The following SNX9 variants were observed in gnomAD, a reference collection of about 807,000 sequenced individuals.
The protein encoded by SNX9 is sorting nexin 9.
Under a neutral mutation model 89.4 loss-of-function variants are expected in SNX9, and 44 were observed. That is an observed-to-expected ratio of 0.49 (90% CI 0.39 to 0.63). The LOEUF is 0.63. Among genes scored for constraint, SNX9 ranks in the 30% least tolerant of loss-of-function variants. The pLI is 0.00. For missense variants in SNX9, 578 were observed against 736.1 expected (o/e 0.79, Z 2.49); for synonymous variants, 236 against 247.8 (o/e 0.95, Z 0.45).
At chr6:157,905,941 G>A (rs532817497) in intron 6 of SNX9, among the ~76,000 whole-genome samples, 187 bp from the exon 7 acceptor site, 1 of 152,294 alleles carries the variant, frequency 6.6e-6, no homozygotes, top group African/African-American at 2.4e-5. Context: ...ACCAGATCAA[G>A]CTTAATTAAA....
chr6:157,859,880 ATGTT>A (rs1173933190), intron 1 of SNX9, among the ~76,000 whole-genome samples: 1 of 151,370 alleles, frequency 6.6e-6, no homozygotes, highest in Non-Finnish European at 1.5e-5. Context: ...CTTCTGCTGT[ATGTT>A]AAGACTAGTG....
Position 157,909,891 on chromosome 6 carries a change from T to C in SNX9, c.832-17T>C, listed in dbSNP as rs1301807795. ...GAGTTGGCATTGGTAACCTTTTCTC[T>C]TTCCCTTATTTTGTAGAACACTAAT... On this transcript the variant is annotated splice_polypyrimidine_tract_variant and intron_variant, in intron 8 of 17. Transcript: ENST00000392185. 1 of 1,613,064 alleles carries C rather than the reference T, an allele frequency of 6.2e-7. No homozygotes were observed. Among genetic ancestry groups the C allele is most frequent in the Admixed American group, 1.7e-5 (1 of 59,958 alleles).
At chr6:157,834,654 A>G (rs1227842308) in intron 1 of SNX9, among the ~76,000 whole-genome samples, 1 of 151,960 alleles carries the variant, frequency 6.6e-6, no homozygotes, top group Non-Finnish European at 1.5e-5. Context: ...GTTAGTGTCC[A>G]CTTCTTAATT....
At chr6:157,913,873 A>G (rs749670479) in intron 9 of SNX9, among the ~76,000 whole-genome samples, 9 of 152,206 alleles carry the variant, frequency 5.9e-5, no homozygotes, top group Non-Finnish European at 1.3e-4. Flanking sequence ...TAGATATACC[A>G]TAGCTTGTTT....
At position 157,944,405 on chromosome 6, in the gene SNX9, TTAATA is replaced by T. The variant is rs1168948444; in HGVS notation, c.*1570_*1574del. The T allele has an allele frequency of 6.5e-6, 1 of 152,678 alleles. No homozygotes were observed. Among genetic ancestry groups the T allele is most frequent in the Non-Finnish European group, 1.5e-5 (1 of 68,036 alleles). The allele number at this position is 152,678 out of a possible 1,614,324, so 9.5% of individuals were successfully genotyped here. A position where few individuals can be genotyped will look rare whatever the true frequency, so the allele number is the denominator to read the frequency against. On this transcript the variant is annotated 3_prime_UTR_variant, in exon 18 of 18. Transcript: ENST00000392185. ...AGAACAATGTTTATGCTATAGCCAT[TTAATA>T]TATGTACAAATTGTAAAGAATATGT...
At chr6:157,850,623 G>A (rs530381955) in intron 1 of SNX9, among the ~76,000 whole-genome samples, 26 of 152,212 alleles carry the variant, frequency 1.7e-4, no homozygotes, top group Non-Finnish European at 3.4e-4. Flanking sequence ...TGGGGTAAAG[G>A]TCATGGGCCT....
chr6:157,924,240 A>T (rs1783642933), intron 10 of SNX9, among the ~76,000 whole-genome samples: 1 of 151,920 alleles, frequency 6.6e-6, no homozygotes, highest in East Asian at 1.9e-4. Flanking sequence ...ATTTCAAATT[A>T]GCTTTAAAGT....
At chr6:157,892,393 G>A (rs919635317) in intron 4 of SNX9, among the ~76,000 whole-genome samples, 1 of 152,096 alleles carries the variant, frequency 6.6e-6, no homozygotes, top group Non-Finnish European at 1.5e-5. Flanking sequence ...GAAGCTGCAG[G>A]AAAGATCTCC....
chr6:157,876,223 G>A (rs190946203), intron 4 of SNX9, among the ~76,000 whole-genome samples: 3 of 152,180 alleles, frequency 2.0e-5, no homozygotes, highest in African/African-American at 7.2e-5. Context: ...AGGCCGAGGC[G>A]GGCGGATCAC....
chr6:157,842,624 G>C (rs1429645063), intron 1 of SNX9, among the ~76,000 whole-genome samples: 8 of 152,182 alleles, frequency 5.3e-5, no homozygotes, highest in African/African-American at 1.9e-4. Flanking sequence ...GGGGAGTGCT[G>C]ATTGGTCAGG....
chr6:157,907,008 G>A (rs1327191953), intron 7 of SNX9, among the ~76,000 whole-genome samples: 2 of 152,148 alleles, frequency 1.3e-5, no homozygotes, highest in African/African-American at 4.8e-5. Flanking sequence ...TGCAGGAATA[G>A]TATTAGATTC....
chr6:157,826,942 A>AC (rs1239486844), intron 1 of SNX9, among the ~76,000 whole-genome samples: 10 of 85,040 alleles, frequency 1.2e-4, no homozygotes, highest in East Asian at 5.4e-4. Context: ...TATAATATAT[A>AC]AAATATATTA....
At chr6:157,932,401 G>A in intron 13 of SNX9, 129 bp downstream of exon 13, 1 of 774,888 alleles carries the variant, frequency 1.3e-6, no homozygotes, top group Non-Finnish European at 2.2e-6. Flanking sequence ...AAATTGGCTA[G>A]GCTGCCGCAC....
intron 10 of SNX9, among the ~76,000 whole-genome samples, chr6:157,922,392 G>A (rs910397892): frequency 3.3e-5 from 5 of 152,168 alleles, no homozygotes; most frequent in African/African-American, 1.2e-4. Flanking sequence ...GCAGGAGTTG[G>A]CCCAGAAGCC....
chr6:157,904,511 A>G (rs1053800992), intron 6 of SNX9, among the ~76,000 whole-genome samples: 1 of 152,064 alleles, frequency 6.6e-6, no homozygotes, highest in Non-Finnish European at 1.5e-5. Flanking sequence ...GTGGTCCATA[A>G]CAGTGCCCAA....
intron 2 of SNX9, 100 bp from the exon 3 acceptor site, chr6:157,873,002 A>G: frequency 1.2e-6 from 1 of 808,014 alleles, no homozygotes; most frequent in Non-Finnish European, 1.8e-6. Flanking sequence ...CTTAATGTTA[A>G]TTGCTTTTTT....
intron 4 of SNX9, among the ~76,000 whole-genome samples, chr6:157,875,860 G>C (rs1436609567): frequency 1.3e-5 from 2 of 152,150 alleles, no homozygotes; most frequent in African/African-American, 4.8e-5. Flanking sequence ...TATTGTTGCT[G>C]CTGGGCACAG....
chr6:157,883,378 TC>T (rs1782667703), intron 4 of SNX9, among the ~76,000 whole-genome samples: 1 of 152,134 alleles, frequency 6.6e-6, no homozygotes, highest in Non-Finnish European at 1.5e-5. Flanking sequence ...TTTTATGTCA[TC>T]TCCTTGTTTA....
In SNX9 at chr6:157,927,125, A is replaced by G. The variant is rs1175900245; in HGVS notation, c.1095A>G (p.Gly365=). Residue 365 remains glycine (G), a synonymous_variant, in exon 11 of 18, where the codon GGA becomes GGG. Transcript: ENST00000392185. ...CTCATTTACAGGAATGGAAAACTGG[A>G]AAGAGGAAGGCCGAGAGAGATGAGC... The part of the protein sequence containing the change: ...NFRDEKEWKT[G]KRKAERDELA... 5 of 1,613,880 alleles carry G rather than the reference A, an allele frequency of 3.1e-6. No homozygotes were observed. The African/African-American group carries it at 4.0e-5, about 13-fold the overall frequency.
Sources: allele counts gnomAD v4.1 joint callset (sites outside exome capture counted in the v4.1 genomes callset), GRCh38; gene constraint gnomAD v4.1.1; transcripts MANE v1.5; gene names NCBI Gene and HGNC (gene_info 2026-07-23, HGNC 2026-07-21).